Variants in DNAH14 observed in about 807,000 individuals in gnomAD.
DNAH14 encodes dynein axonemal heavy chain 14.
Under a neutral mutation model 520.9 loss-of-function variants are expected in DNAH14, and 478 were observed. The ratio of observed to expected loss-of-function variants is 0.92; its 90% CI spans 0.85 to 0.99. DNAH14 has a LOEUF of 0.99. Among genes scored for constraint, DNAH14 ranks in the 50% least tolerant of loss-of-function variants. The pLI is 0.00. For synonymous variants in DNAH14, 1,581 were observed against 1,757.2 expected (o/e 0.90, Z 2.51); for missense variants, 4,831 against 5,234.5 (o/e 0.92, Z 2.38).
intron 41 of DNAH14, among the ~76,000 whole-genome samples, chr1:225,215,646 G>A (rs1242552086): frequency 1.3e-5 from 2 of 152,160 alleles, no homozygotes; most frequent in African/African-American, 4.8e-5. Flanking sequence ...TTACCATTAT[G>A]TGATGGCCTT....
At position 225,250,642 on chromosome 1, in the gene DNAH14, A is replaced by C. The variant is rs931125574; in HGVS notation, c.6749-1659A>C. ...TTCCTGAAGAGAAAGAACATGACAC[A>C]TTGGGCCACTCAGGATGGAAGCACT... On this transcript the variant is annotated intron_variant, in intron 43 of 85. Coordinates refer to ENST00000682510, the MANE Select transcript of DNAH14 (RefSeq NM_001367479.1). 2.1e-5 allele frequency: 11 copies of C among 533,292 alleles called. No homozygotes were observed. The African/African-American group carries it at 2.2e-4, about 11-fold the overall frequency. 33.0% of individuals were successfully genotyped at this position (533,292 alleles called of 1,614,324 possible).
intron 60 of DNAH14, among the ~76,000 whole-genome samples, chr1:225,313,020 C>T (rs1425501166): frequency 6.6e-6 from 1 of 152,170 alleles, no homozygotes; most frequent in Non-Finnish European, 1.5e-5. Context: ...AGAAATGGTA[C>T]CAGCTCCTGT....
intron 41 of DNAH14, among the ~76,000 whole-genome samples, chr1:225,225,106 T>C (rs1024739220): frequency 1.3e-5 from 2 of 152,234 alleles, no homozygotes; most frequent in South Asian, 4.1e-4. Flanking sequence ...TCCACCAAAA[T>C]TGGAGAAATG....
At chr1:225,190,769 G>A (rs1442575507) in intron 37 of DNAH14, among the ~76,000 whole-genome samples, 2 of 151,920 alleles carry the variant, frequency 1.3e-5, no homozygotes, top group Non-Finnish European at 2.9e-5. Flanking sequence ...CAAGGATTGA[G>A]GTCTTGAAGA....
At chr1:224,964,365 C>T in intron 4 of DNAH14, 114 bp from the exon 5 acceptor site, 1 of 1,204,042 alleles carries the variant, frequency 8.3e-7, no homozygotes, top group Non-Finnish European at 1.1e-6. Flanking sequence ...GTTATGTATA[C>T]TTTGTTACCA....
intron 58 of DNAH14, among the ~76,000 whole-genome samples, chr1:225,305,328 A>T (rs1368886452): frequency 6.6e-6 from 1 of 152,188 alleles, no homozygotes; most frequent in Non-Finnish European, 1.5e-5. Context: ...TCCCTGTTGG[A>T]TTCCGACAGT....
At chr1:225,086,945 T>G (rs963953305) in intron 21 of DNAH14, among the ~76,000 whole-genome samples, 1 of 149,186 alleles carries the variant, frequency 6.7e-6, no homozygotes, top group African/African-American at 2.5e-5. Context: ...AAAAGTGAAT[T>G]TAATAAATGA....
intron 69 of DNAH14, among the ~76,000 whole-genome samples, chr1:225,341,676 CA>C (rs1417735481): frequency 6.6e-5 from 10 of 151,720 alleles, no homozygotes; most frequent in Admixed American, 2.0e-4. Flanking sequence ...AACAAACAAA[CA>C]AAAAAAGCTT....
intron 81 of DNAH14, among the ~76,000 whole-genome samples, chr1:225,385,630 T>A (rs553984985): frequency 2.6e-4 from 39 of 152,286 alleles, no homozygotes; most frequent in Middle Eastern, 3.4e-3. Context: ...CCATTCACAA[T>A]TGCTTCAAAA....
At chr1:225,332,286 A>G (rs565615516) in intron 65 of DNAH14, among the ~76,000 whole-genome samples, 1 of 152,350 alleles carries the variant, frequency 6.6e-6, no homozygotes, top group Admixed American at 6.5e-5. Context: ...TTATGAAAAC[A>G]GACCAATCAA....
chr1:225,283,392 C>T (rs570450948), intron 54 of DNAH14, among the ~76,000 whole-genome samples: 2 of 150,386 alleles, frequency 1.3e-5, no homozygotes, highest in Non-Finnish European at 3.0e-5. Context: ...ATACTAATAT[C>T]AGGCAAAGTA....
intron 58 of DNAH14, among the ~76,000 whole-genome samples, chr1:225,306,783 A>G (rs10495235): frequency 0.052 from 7,852 of 151,896 alleles, 657 homozygotes; most frequent in African/African-American, 0.18. Flanking sequence ...CTATCACCTT[A>G]TATGCATAAT....
Position 225,089,464 on chromosome 1 carries a change from A to AAAAAAAAAAAAAAAAAAAAAAAG in DNAH14, c.3573+3676_3573+3677insAAAAAAAAAAAAAAAAAAAAAGA, listed in dbSNP as rs775049047. Among the ~76,000 whole-genome samples, 36 of 138,364 alleles carry AAAAAAAAAAAAAAAAAAAAAAAG rather than the reference A, an allele frequency of 2.6e-4. 1 individual carries two copies. The highest frequency in any genetic ancestry group is 4.3e-4 in the Non-Finnish European group (27 of 63,076). 90.8% of individuals were successfully genotyped at this position (138,364 alleles called of 152,430 possible). A position where few individuals can be genotyped will look rare whatever the true frequency, so the allele number is the denominator to read the frequency against. ...CGTCAAAAAAAAAAAAAAAAAAAAA[A>AAAAAAAAAAAAAAAAAAAAAAAG]AGAGAGCGAGAGAAAGAAAAGAAAA... On this transcript the variant is annotated intron_variant, in intron 21 of 85. Transcript: ENST00000682510.
intron 44 of DNAH14, among the ~76,000 whole-genome samples, chr1:225,255,660 T>A (rs1381838653): frequency 6.6e-6 from 1 of 152,188 alleles, no homozygotes; most frequent in Non-Finnish European, 1.5e-5. Flanking sequence ...GGAACTATTA[T>A]CCTACACTTT....
chr1:225,092,120 T>C (rs940187479), intron 21 of DNAH14, among the ~76,000 whole-genome samples: 2 of 152,046 alleles, frequency 1.3e-5, no homozygotes, highest in African/African-American at 4.8e-5. Context: ...GACACAATAA[T>C]AGTGAGAGAA....
At chr1:225,144,253 A>C in intron 28 of DNAH14, 144 bp from the exon 29 acceptor site, 1 of 649,550 alleles carries the variant, frequency 1.5e-6, no homozygotes, top group South Asian at 2.0e-5. Flanking sequence ...TTTATATCAC[A>C]CTTCTCATTT....
chr1:225,165,952 A>G (rs1196995342), intron 35 of DNAH14, among the ~76,000 whole-genome samples: 1 of 152,142 alleles, frequency 6.6e-6, no homozygotes, highest in South Asian at 2.1e-4. Context: ...TGAGATTTTC[A>G]GAAGTACAAT....
intron 22 of DNAH14, among the ~76,000 whole-genome samples, chr1:225,100,080 T>C (rs973297889): frequency 6.6e-6 from 1 of 152,182 alleles, no homozygotes; most frequent in Non-Finnish European, 1.5e-5. Context: ...AAAATTAATA[T>C]ATTAATGGCT....
chr1:225,172,065 A>C (rs542380647), intron 36 of DNAH14, among the ~76,000 whole-genome samples: 2 of 152,290 alleles, frequency 1.3e-5, no homozygotes, highest in African/African-American at 4.8e-5. Flanking sequence ...AAAATTCAAC[A>C]CCACTTCATG....
Sources: allele counts gnomAD v4.1 joint callset (sites outside exome capture counted in the v4.1 genomes callset), GRCh38; gene constraint gnomAD v4.1.1; transcripts MANE v1.5; gene names NCBI Gene and HGNC (gene_info 2026-07-23, HGNC 2026-07-21).